CARMIL1: variants seen among roughly 807,000 people sequenced by gnomAD.
The protein encoded by CARMIL1 is F-actin-uncapping protein LRRC16A.
A neutral mutation model predicts 177.1 loss-of-function variants in CARMIL1; 90 were observed. That is an observed-to-expected ratio of 0.51 (90% CI 0.43 to 0.61). The LOEUF is 0.61. Among genes scored for constraint, CARMIL1 ranks in the 20% least tolerant of loss-of-function variants. The pLI, the probability that CARMIL1 is intolerant of heterozygous loss-of-function variation, is 0.00. For synonymous variants in CARMIL1, 577 were observed against 606.2 expected, an observed-to-expected ratio of 0.95 and a Z score of 0.71; for missense variants, 1,380 against 1,667.0, an observed-to-expected ratio of 0.83 and a Z score of 3.00.
At chr6:25,407,752 G>T (rs10946776) in intron 2 of CARMIL1, among the ~76,000 whole-genome samples, 67,600 of 151,946 alleles carry the variant, frequency 0.44, 15,325 homozygotes, top group Middle Eastern at 0.58. Context: ...TTCAGTGGAG[G>T]TTCAGTTGGA....
chr6:25,573,975 A>G (rs1279692848), intron 29 of CARMIL1, among the ~76,000 whole-genome samples: 1 of 152,216 alleles, frequency 6.6e-6, no homozygotes, highest in Admixed American at 6.5e-5. Flanking sequence ...TCCACAGAGC[A>G]GCACTAACAC....
At chr6:25,456,880 A>G (rs1799579878) in intron 8 of CARMIL1, among the ~76,000 whole-genome samples, 1 of 152,004 alleles carries the variant, frequency 6.6e-6, no homozygotes, top group African/African-American at 2.4e-5. Context: ...TCAGGGTGAC[A>G]TTCTTGAGTG....
chr6:25,391,643 A>G (rs776890147), intron 2 of CARMIL1, among the ~76,000 whole-genome samples: 1 of 152,240 alleles, frequency 6.6e-6, no homozygotes, highest in Non-Finnish European at 1.5e-5. Context: ...AATGACAGTG[A>G]GATATAATTA....
intron 23 of CARMIL1, 28 bp from the exon 24 acceptor site, chr6:25,528,767 T>A: frequency 6.7e-7 from 1 of 1,482,544 alleles, no homozygotes; most frequent in Non-Finnish European, 9.3e-7. Flanking sequence ...AAATGTATTC[T>A]TGAGGGATGC....
chr6:25,441,828 T>C (rs761482360), intron 5 of CARMIL1, among the ~76,000 whole-genome samples: 65 of 152,268 alleles, frequency 4.3e-4, no homozygotes, highest in Middle Eastern at 3.4e-3. Context: ...CAGGAAGTCA[T>C]TCTGTGTTAC....
At chr6:25,455,416 C>T (rs1483322684) in intron 8 of CARMIL1, among the ~76,000 whole-genome samples, 1 of 152,210 alleles carries the variant, frequency 6.6e-6, no homozygotes, top group Non-Finnish European at 1.5e-5. Context: ...GAGGGCCAGG[C>T]TGTGTCTGTC....
chr6:25,540,156 CTA>C, intron 26 of CARMIL1, 78 bp downstream of exon 26: 1 of 1,348,748 alleles, frequency 7.4e-7, no homozygotes, highest in Non-Finnish European at 9.9e-7. Flanking sequence ...CCATAGCTAT[CTA>C]TGTTTTATAG....
At chr6:25,469,570 A>G (rs1800917609) in intron 9 of CARMIL1, among the ~76,000 whole-genome samples, 2 of 151,978 alleles carry the variant, frequency 1.3e-5, no homozygotes, top group South Asian at 4.2e-4. Flanking sequence ...GTGTGTTTGC[A>G]TGTGTGAAAC....
intron 2 of CARMIL1, among the ~76,000 whole-genome samples, chr6:25,411,226 C>T (rs1302353036): frequency 6.6e-6 from 1 of 152,124 alleles, no homozygotes; most frequent in Non-Finnish European, 1.5e-5. Context: ...TCTGCTCACC[C>T]AATAGTTGAG....
chr6:25,539,806 T>A (rs1419187683), intron 25 of CARMIL1, 141 bp from the exon 26 acceptor site: 3 of 555,468 alleles, frequency 5.4e-6, no homozygotes, highest in Non-Finnish European at 5.8e-6. Context: ...GGACCTCAGT[T>A]TATTAATCTG....
At chr6:25,480,565 TA>T (rs1742747941) in intron 11 of CARMIL1, among the ~76,000 whole-genome samples, 1 of 150,756 alleles carries the variant, frequency 6.6e-6, no homozygotes, top group Non-Finnish European at 1.5e-5. Flanking sequence ...AAACATTTGA[TA>T]TTTTTATTCA....
At chr6:25,493,611 G>T (rs1257635369) in intron 15 of CARMIL1, among the ~76,000 whole-genome samples, 11 of 152,140 alleles carry the variant, frequency 7.2e-5, no homozygotes, top group Admixed American at 5.9e-4. Flanking sequence ...TCATGGCGGT[G>T]CACATACTGG....
Position 25,520,440 on chromosome 6 carries a change from A to T in CARMIL1, c.1968+103A>T, listed in dbSNP as rs556086029. 778 of 681,048 alleles carry T rather than the reference A, an allele frequency of 1.1e-3. 9 individuals carry two copies. Among genetic ancestry groups the T allele is most frequent in the African/African-American group, 9.7e-3 (536 of 55,388 alleles). 42.2% of individuals were successfully genotyped at this position (681,048 alleles called of 1,614,324 possible). Reference sequence around the variant, plus strand: ...CTTTGTTATTTTACGAAGTTTTTTTAAATTTTATTTTATTTTTTCACATTG... The same window carrying T: ...CTTTGTTATTTTACGAAGTTTTTTTTAATTTTATTTTATTTTTTCACATTG... On this transcript the variant is annotated intron_variant, in intron 23 of 36. Transcript: ENST00000329474.
chr6:25,547,188 AAT>A (rs1051281167), intron 26 of CARMIL1, among the ~76,000 whole-genome samples: 13 of 152,322 alleles, frequency 8.5e-5, no homozygotes, highest in Non-Finnish European at 1.6e-4. Flanking sequence ...CTAAAATAAA[AAT>A]ATGTGTCATA....
rs1167011840 is a variant in CARMIL1, at chr6:25,279,530, G to A, written c.-266G>A. 1.1e-5 allele frequency: 6 copies of A among 553,992 alleles called. No homozygotes were observed. Among genetic ancestry groups the A allele is most frequent in the East Asian group, 3.1e-5 (1 of 32,640 alleles). The allele number at this position is 553,992 out of a possible 1,614,324, so 34.3% of individuals were successfully genotyped here. A position where few individuals can be genotyped will look rare whatever the true frequency, so the allele number is the denominator to read the frequency against. On this transcript the variant is annotated 5_prime_UTR_variant, in exon 1 of 37. Transcript: ENST00000329474. ...GCGCCCCGCGCCCGCTTGTAATCCG[G>A]TCCGCTCCTTATTCAGCCGCCGGGA... is the stretch of plus-strand genomic sequence containing the variant.
chr6:25,365,779 GA>G (rs1457441783), intron 2 of CARMIL1, among the ~76,000 whole-genome samples: 33 of 152,228 alleles, frequency 2.2e-4, no homozygotes, highest in Admixed American at 1.2e-3. Context: ...TCGAACTCTT[GA>G]GTTCAAGCGA....
At chr6:25,341,778 A>G (rs1289645534) in intron 2 of CARMIL1, among the ~76,000 whole-genome samples, 2 of 152,208 alleles carry the variant, frequency 1.3e-5, no homozygotes, top group African/African-American at 4.8e-5. Flanking sequence ...AAGTAATAAG[A>G]CAGACATAGT....
At chr6:25,490,742 TAAATAAATA>T (rs760543356) in intron 13 of CARMIL1, among the ~76,000 whole-genome samples, 12 of 126,786 alleles carry the variant, frequency 9.5e-5, no homozygotes, top group African/African-American at 2.8e-4. Context: ...AATAAATAAA[TAAATAAATA>T]AAAAAAAATA....
chr6:25,529,766 A>G, intron 24 of CARMIL1, among the ~76,000 whole-genome samples: 1 of 128,120 alleles, frequency 7.8e-6, no homozygotes, highest in South Asian at 2.6e-4. Flanking sequence ...AAAAAAAAAA[A>G]AAAAAAAAAA....
Sources: gnomAD v4.1 joint callset for allele counts (sites outside exome capture counted in the v4.1 genomes callset) on GRCh38, gnomAD v4.1.1 for gene constraint, MANE v1.5 for transcripts, NCBI Gene and HGNC (gene_info 2026-07-23, HGNC 2026-07-21) for gene names.